The following PLCL1 variants were observed in gnomAD, a reference collection of about 807,000 sequenced individuals.
The protein encoded by PLCL1 is phospholipase C like 1 (inactive), also known as inactive phospholipase C-like protein 1.
PLCL1 carries 41 observed loss-of-function variants against 84.4 expected under a neutral mutation model. The observed-to-expected ratio is 0.49, with a 90% confidence interval of 0.38 to 0.63. The LOEUF (loss-of-function observed/expected upper bound fraction) is 0.63, where lower values mean the gene tolerates loss of function less well. Among genes scored for constraint, PLCL1 ranks in the 30% least tolerant of loss-of-function variants. The pLI, the probability that PLCL1 is intolerant of heterozygous loss-of-function variation, is 0.00. For synonymous variants in PLCL1, 490 were observed against 488.3 expected (o/e 1.00, Z -0.05); for missense variants, 1,206 against 1,367.8 (o/e 0.88, Z 1.87).
intron 1 of PLCL1, among the ~76,000 whole-genome samples, chr2:197,923,651 G>A (rs1214165970): frequency 2.7e-5 from 4 of 149,364 alleles, no homozygotes; most frequent in Non-Finnish European, 5.9e-5. Flanking sequence ...GCGGCCGGGC[G>A]CAGACGCTCC....
chr2:197,814,176 T>C (rs914594871), intron 1 of PLCL1, among the ~76,000 whole-genome samples: 3 of 152,192 alleles, frequency 2.0e-5, no homozygotes, highest in Non-Finnish European at 4.4e-5. Context: ...TGCATTTTTT[T>C]AAACAAATAG....
chr2:197,889,111 C>A (rs1687969621), intron 1 of PLCL1, among the ~76,000 whole-genome samples: 1 of 152,096 alleles, frequency 6.6e-6, no homozygotes, highest in South Asian at 2.1e-4. Flanking sequence ...CTGGAAACAA[C>A]CTAGACATCA....
At chr2:197,946,402 GCAAA>G (rs376537794) in intron 1 of PLCL1, among the ~76,000 whole-genome samples, 1 of 152,182 alleles carries the variant, frequency 6.6e-6, no homozygotes, top group African/African-American at 2.4e-5. Context: ...TTGGAAAATG[GCAAA>G]CAGTCTAAAA....
At chr2:197,996,031 C>T (rs925392819) in intron 1 of PLCL1, among the ~76,000 whole-genome samples, 11 of 151,888 alleles carry the variant, frequency 7.2e-5, no homozygotes, top group Non-Finnish European at 1.5e-4. Flanking sequence ...ATGCCTGCAG[C>T]GACAGGGAGG....
rs1487526538 is a variant in PLCL1 at position 197,946,492 on chromosome 2, ATATTT to A, written c.241-137263_241-137259del. Among the ~76,000 whole-genome samples the A allele has an allele frequency of 2.7e-5, 4 of 148,642 alleles. No individual in the cohort carries two copies. In the East Asian group the frequency reaches 7.8e-4, roughly 29 times the overall value. On this transcript the variant is annotated intron_variant, in intron 1 of 5. Coordinates refer to ENST00000428675, the MANE Select transcript of PLCL1 (RefSeq NM_006226.4). Reference sequence around the variant, plus strand: ...GCAAAGATAAGCAAAAGTCCTCATTATATTTTAAAGAAATTAAAAACAATTTTTTT... The same window carrying A: ...GCAAAGATAAGCAAAAGTCCTCATTATAAAGAAATTAAAAACAATTTTTTT...
intron 1 of PLCL1, among the ~76,000 whole-genome samples, chr2:197,930,261 G>A (rs1688907106): frequency 6.6e-6 from 1 of 152,170 alleles, no homozygotes; most frequent in Non-Finnish European, 1.5e-5. Context: ...TATCAGTCAA[G>A]GAGAATCTTT....
In PLCL1 at chr2:198,084,091, A is replaced by G. The variant is rs556879668; in HGVS notation, c.574A>G (p.Ile192Val). 8 of 1,614,172 alleles carry G rather than the reference A, an allele frequency of 5.0e-6. No individual in the cohort carries two copies. In the South Asian group the frequency reaches 7.7e-5, roughly 16 times the overall value. Residue 192 changes from isoleucine (I) to valine (V), a missense_variant, in exon 2 of 6, where the codon ATA (isoleucine) becomes GTA (valine). Ile to Val is a conservative substitution (Grantham distance 29, BLOSUM62 3). Coordinates refer to ENST00000428675, the MANE Select transcript of PLCL1 (RefSeq NM_006226.4). The stretch of plus-strand genomic sequence containing the variant: ...GATCTGTGAGGACTGTGCCTTTTCC[A>G]TACTCCACGGGGAAAACTATGAGTC... ...DQICEDCAFS[I>V]LHGENYESLD...
At chr2:197,920,456 T>C (rs1688680835) in intron 1 of PLCL1, among the ~76,000 whole-genome samples, 1 of 152,166 alleles carries the variant, frequency 6.6e-6, no homozygotes, top group Non-Finnish European at 1.5e-5. Flanking sequence ...TCTAGCTCCT[T>C]TGAAATGGTA....
At chr2:197,876,542 G>C (rs188048490) in intron 1 of PLCL1, among the ~76,000 whole-genome samples, 1 of 151,996 alleles carries the variant, frequency 6.6e-6, no homozygotes, top group East Asian at 1.9e-4. Flanking sequence ...ATGGCAACTG[G>C]ATGGTAAACT....
At chr2:197,927,626 T>C (rs1311832782) in intron 1 of PLCL1, among the ~76,000 whole-genome samples, 10 of 152,228 alleles carry the variant, frequency 6.6e-5, no homozygotes, top group Admixed American at 6.5e-4. Flanking sequence ...ACAAAAATTC[T>C]GGAGAAATGG....
chr2:198,107,030 G>T (rs752259760), intron 5 of PLCL1, among the ~76,000 whole-genome samples: 2 of 151,850 alleles, frequency 1.3e-5, no homozygotes, highest in Non-Finnish European at 2.9e-5. Flanking sequence ...AGACGTACCC[G>T]AGAGTGGGTA....
At chr2:197,996,792 A>G (rs1269021564) in intron 1 of PLCL1, among the ~76,000 whole-genome samples, 2 of 152,192 alleles carry the variant, frequency 1.3e-5, no homozygotes, top group Admixed American at 6.5e-5. Context: ...TGCAGGCTGT[A>G]GTACATCCTG....
At chr2:197,932,508 T>A (rs1197335168) in intron 1 of PLCL1, among the ~76,000 whole-genome samples, 2 of 152,084 alleles carry the variant, frequency 1.3e-5, no homozygotes, top group Admixed American at 6.6e-5. Flanking sequence ...CTCCAGATGC[T>A]CTCCGTCCCC....
chr2:198,053,224 T>G (rs74823489), intron 1 of PLCL1, among the ~76,000 whole-genome samples: 1 of 152,256 alleles, frequency 6.6e-6, no homozygotes, highest in African/African-American at 2.4e-5. Flanking sequence ...TGGCCTTTTT[T>G]GCTGTCAGAT....
intron 1 of PLCL1, among the ~76,000 whole-genome samples, chr2:197,875,468 A>G (rs531820056): frequency 6.6e-6 from 1 of 152,220 alleles, no homozygotes; most frequent in South Asian, 2.1e-4. Context: ...AGGGTACTCA[A>G]AATGATCTAT....
At chr2:197,862,293 A>G (rs1171623658) in intron 1 of PLCL1, among the ~76,000 whole-genome samples, 5 of 152,222 alleles carry the variant, frequency 3.3e-5, no homozygotes, top group Admixed American at 2.6e-4. Context: ...ACTGACAATA[A>G]TAAATATTTT....
chr2:197,859,170 A>C (rs1176317826), intron 1 of PLCL1, among the ~76,000 whole-genome samples: 5 of 71,302 alleles, frequency 7.0e-5, no homozygotes, highest in African/African-American at 5.8e-4. Flanking sequence ...TTTATAATCT[A>C]CCACTAGCTC....
rs371940581 is a variant in PLCL1, at chr2:198,012,596, A to G, written c.241-71162A>G. Among the ~76,000 whole-genome samples, 4 of 151,410 alleles carry G rather than the reference A, an allele frequency of 2.6e-5. No homozygotes were observed. In the East Asian group the frequency reaches 5.8e-4, roughly 22 times the overall value. On this transcript the variant is annotated intron_variant, in intron 1 of 5. Coordinates refer to ENST00000428675, the MANE Select transcript of PLCL1 (RefSeq NM_006226.4). ...TGATAGGGAAGGACTTACTATTGCT[A>G]TTTTATTGTTTTCTTATTGTTTTTG...
rs565163397 is a variant in PLCL1, at chr2:198,082,584, G to A, written c.241-1174G>A. Among the ~76,000 whole-genome samples, 172 of 152,274 alleles carry A rather than the reference G, an allele frequency of 1.1e-3. 1 individual carries two copies. The highest frequency in any genetic ancestry group is 1.8e-3 in the Non-Finnish European group (123 of 68,022). ...GAAAATTTGTTCCTGGGGCAATCAC[G>A]TGAATTGGGATGTGGTTGGGAGCAT... On this transcript the variant is annotated intron_variant, in intron 1 of 5. Coordinates refer to ENST00000428675, the MANE Select transcript of PLCL1 (RefSeq NM_006226.4).
Sources: allele counts gnomAD v4.1 joint callset (sites outside exome capture counted in the v4.1 genomes callset), GRCh38; gene constraint gnomAD v4.1.1; transcripts MANE v1.5; gene names NCBI Gene and HGNC (gene_info 2026-07-23, HGNC 2026-07-21).